Variants in CUBN observed in about 807,000 individuals in gnomAD.
The protein encoded by CUBN is 460 kDa receptor.
Under a neutral mutation model 405.3 loss-of-function variants are expected in CUBN, and 282 were observed. That is an observed-to-expected ratio of 0.70 (90% CI 0.63 to 0.77). The LOEUF is 0.77. CUBN is among the 30% of genes least tolerant of loss of function. The pLI, the probability that CUBN is intolerant of heterozygous loss-of-function variation, is 0.00. For synonymous variants in CUBN, 1,684 were observed against 1,617.0 expected, an observed-to-expected ratio of 1.04 and a Z score of -0.99; for missense variants, 4,514 against 4,475.2, an observed-to-expected ratio of 1.01 and a Z score of -0.25.
In CUBN at chr10:17,071,812, T is replaced by C. The variant is rs1299984433; in HGVS notation, c.2446+15A>G. On this transcript the variant is annotated intron_variant, in intron 18 of 66. Coordinates refer to ENST00000377833, the MANE Select transcript of CUBN (RefSeq NM_001081.4). Reference sequence around the variant, plus strand: ...TCAGGCAAATTAGACATTTAAAAATTATATGTTTCCTTACCGACTTGATAA... The same window carrying C: ...TCAGGCAAATTAGACATTTAAAAATCATATGTTTCCTTACCGACTTGATAA... The C allele has an allele frequency of 4.4e-6, 7 of 1,609,060 alleles. No homozygotes were observed. Among genetic ancestry groups the C allele is most frequent in the Non-Finnish European group, 5.1e-6 (6 of 1,178,054 alleles).
chr10:16,836,133 A>G (rs1462719303), intron 63 of CUBN, 102 bp downstream of exon 63: 3 of 1,194,518 alleles, frequency 2.5e-6, no homozygotes, highest in East Asian at 4.8e-5. Context: ...ACAAATCCTA[A>G]TTTACTCACA....
At chr10:17,010,181 C>G (rs901787837) in intron 28 of CUBN, among the ~76,000 whole-genome samples, 2 of 152,248 alleles carry the variant, frequency 1.3e-5, no homozygotes, top group African/African-American at 2.4e-5. Context: ...CCTTGAAATT[C>G]TGGGCCATTT....
chr10:16,874,867 C>T (rs771302433), intron 57 of CUBN, among the ~76,000 whole-genome samples: 4 of 151,988 alleles, frequency 2.6e-5, no homozygotes, highest in East Asian at 1.9e-4. Context: ...TAACGAAGTA[C>T]GGAAAAGGCG....
intron 52 of CUBN, 28 bp downstream of exon 52, chr10:16,901,310 A>G (rs776179172): frequency 4.3e-6 from 7 of 1,614,028 alleles, no homozygotes; most frequent in Non-Finnish European, 2.5e-6. Flanking sequence ...TTGTCTCAGA[A>G]GCATTTCACC....
rs1838881520 is a variant in CUBN, at chr10:16,828,948, G to C, written c.10621C>G (p.Leu3541Val). Residue 3541 changes from leucine (L) to valine (V), a missense_variant, in exon 66 of 67, where the codon CTT (leucine) becomes GTT (valine). This residue lies in a region of CUBN where 1,186 missense variants were observed against 1,186.9 expected (regional missense o/e 1.00). Transcript: ENST00000377833. ...ACAAGCCTTCCAGCAGGAGCAACAA[G>C]GACCCACTCGCAGTACGTGTTGTTT... Reference protein sequence around the residue: ...YPNNTYCEWVLVAPAGRLVTI... With the variant: ...YPNNTYCEWVVVAPAGRLVTI... 2 of 1,613,986 alleles carry C rather than the reference G, an allele frequency of 1.2e-6. No homozygotes were observed. The highest frequency in any genetic ancestry group is 2.7e-5 in the African/African-American group (2 of 74,866).
At chr10:16,840,809 A>AT in intron 61 of CUBN, 76 bp downstream of exon 61, 1 of 1,320,842 alleles carries the variant, frequency 7.6e-7, no homozygotes, top group Non-Finnish European at 1.1e-6. Flanking sequence ...ATTTCGATAT[A>AT]ATAAGCAGGG....
intron 48 of CUBN, among the ~76,000 whole-genome samples, chr10:16,912,258 C>A (rs1199034081): frequency 6.6e-6 from 1 of 152,144 alleles, no homozygotes; most frequent in African/African-American, 2.4e-5. Context: ...AAATTCACTA[C>A]CCAACAGGAG....
At chr10:16,906,635 T>A (rs1302641397) in intron 49 of CUBN, among the ~76,000 whole-genome samples, 2 of 152,222 alleles carry the variant, frequency 1.3e-5, no homozygotes. Flanking sequence ...TTCCTGTTGC[T>A]GTAGATTAAG....
intron 27 of CUBN, among the ~76,000 whole-genome samples, chr10:17,030,067 C>T (rs572664528): frequency 4.6e-5 from 7 of 152,306 alleles, no homozygotes; most frequent in South Asian, 2.1e-4. Context: ...ATCTAGGTTG[C>T]GTGCTCCTTA....
At position 16,947,494 on chromosome 10, in the gene CUBN, T is replaced by A. The variant is rs898475575; in HGVS notation, c.5210-127A>T. The A allele has an allele frequency of 3.8e-5, 40 of 1,043,660 alleles. 5 individuals carry two copies. The highest frequency in any genetic ancestry group is 1.3e-4 in the East Asian group (5 of 38,910). The allele number at this position is 1,043,660 out of a possible 1,614,324, so 64.6% of individuals were successfully genotyped here. On this transcript the variant is annotated intron_variant, in intron 35 of 66. Coordinates refer to ENST00000377833, the MANE Select transcript of CUBN (RefSeq NM_001081.4). ...ATAGATAGTATTTCCATCTCACATT[T>A]TAAAACATTCATGTCATATAAAATA...
intron 6 of CUBN, among the ~76,000 whole-genome samples, chr10:17,121,374 T>C (rs1837035882): frequency 6.6e-6 from 1 of 152,000 alleles, no homozygotes; most frequent in Admixed American, 6.6e-5. Flanking sequence ...CATAAAAAAA[T>C]GATGAGTTCA....
intron 13 of CUBN, among the ~76,000 whole-genome samples, chr10:17,102,595 C>CTTTTT (rs11357524): frequency 1.6e-5 from 1 of 63,118 alleles, no homozygotes; most frequent in Non-Finnish European, 3.0e-5. Context: ...CCTTGTTACT[C>CTTTTT]TTTTTTTTTT....
At position 16,877,035 on chromosome 10, in the gene CUBN, C is replaced by A. The variant is rs115888073; in HGVS notation, c.8968G>T (p.Val2990Phe). The A allele has an allele frequency of 3.1e-6, 5 of 1,613,998 alleles. No homozygotes were observed. In the African/African-American group the frequency reaches 4.0e-5, roughly 13 times the overall value. The change falls in exon 57 of 67, where the codon GTC becomes TTC. Residue 2990 changes from valine to phenylalanine, a missense_variant. Physicochemically the swap from Val to Phe is conservative, Grantham distance 50. This residue lies in a region of CUBN where 1,186 missense variants were observed against 1,186.9 expected (regional missense o/e 1.00). Transcript: ENST00000377833. ...DGVHIIRGYSVMSTPFATVCG... is the reference protein window; with the variant it reads ...DGVHIIRGYSFMSTPFATVCG... ...ACAGTAGCAAATGGGGTGGACATGA[C>A]GCTGTAACCTCTGATAATGTGCACG...
In CUBN at chr10:17,046,019, A is replaced by G. The variant is rs1300181285; in HGVS notation, c.3405T>C (p.His1135=). 12 of 1,613,740 alleles carry G rather than the reference A, an allele frequency of 7.4e-6. 1 individual carries two copies. In the African/African-American group the frequency reaches 9.3e-5, roughly 13 times the overall value. Reference sequence around the variant, plus strand: ...TAAATTTTAACCATAGTTTGTTACTATGAGAGATGATTGTTGGGGGTAGAT... The same window carrying G: ...TAAATTTTAACCATAGTTTGTTACTGTGAGAGATGATTGTTGGGGGTAGAT... ...GSNLPPTIIS[H]SNKLWLKFKS... The change falls in exon 24 of 67, where the codon CAT becomes CAC. Residue 1135 remains histidine (H), a synonymous_variant. Coordinates refer to ENST00000377833, the MANE Select transcript of CUBN (RefSeq NM_001081.4).
chr10:16,913,359 G>A (rs1047890211), intron 48 of CUBN, among the ~76,000 whole-genome samples: 16 of 152,174 alleles, frequency 1.1e-4, no homozygotes, highest in African/African-American at 3.6e-4. Context: ...GAAACCACTG[G>A]AGGTTGGTGA....
chr10:16,850,345 G>C (rs1839649746), intron 60 of CUBN, among the ~76,000 whole-genome samples: 1 of 152,180 alleles, frequency 6.6e-6, no homozygotes, highest in African/African-American at 2.4e-5. Flanking sequence ...TGAGAGTGCA[G>C]TAGTAAATAC....
intron 29 of CUBN, among the ~76,000 whole-genome samples, chr10:16,987,250 A>G (rs1294123516): frequency 1.3e-5 from 2 of 152,258 alleles, no homozygotes; most frequent in Non-Finnish European, 1.5e-5. Context: ...AACCGATAGT[A>G]CATGACTCTT....
intron 29 of CUBN, among the ~76,000 whole-genome samples, chr10:16,986,742 C>G (rs1474652786): frequency 1.3e-5 from 2 of 151,880 alleles, no homozygotes; most frequent in Admixed American, 6.6e-5. Context: ...TTTTCAAGAT[C>G]TCCCTACCCC....
intron 56 of CUBN, among the ~76,000 whole-genome samples, chr10:16,888,011 G>A (rs12219595): frequency 0.055 from 8,345 of 152,212 alleles, 767 homozygotes; most frequent in East Asian, 0.32. Flanking sequence ...ACTTGGATGT[G>A]GAATCTAAAA....
Sources: allele counts gnomAD v4.1 joint callset (sites outside exome capture counted in the v4.1 genomes callset), GRCh38; gene constraint gnomAD v4.1.1; regional missense constraint gnomAD v4.1.1; transcripts MANE v1.5; gene names NCBI Gene and HGNC (gene_info 2026-07-23, HGNC 2026-07-21).